The following AAAS variants were observed in gnomAD, a reference collection of about 807,000 sequenced individuals.
AAAS encodes the protein aladin WD repeat nucleoporin.
AAAS carries 60 observed loss-of-function variants against 75.6 expected under a neutral mutation model. That is an observed-to-expected ratio of 0.79 (90% CI 0.64 to 0.98). The LOEUF (loss-of-function observed/expected upper bound fraction) is 0.98, where lower values mean the gene tolerates loss of function less well. AAAS is among the 50% of genes least tolerant of loss of function. The probability of loss-of-function intolerance (pLI) is 0.00; values close to 1 mark genes in which losing one functional copy is unlikely to be tolerated. For synonymous variants in AAAS, 271 were observed against 265.0 expected (o/e 1.02, Z -0.22); for missense variants, 658 against 686.9 (o/e 0.96, Z 0.47).
In AAAS at chr12:53,307,536, G is replaced by T; in HGVS notation, c.1594C>A (p.Pro532Thr). 1 of 1,614,174 alleles carries T rather than the reference G, an allele frequency of 6.2e-7. No homozygotes were observed. Among genetic ancestry groups the T allele is most frequent in the Non-Finnish European group, 8.5e-7 (1 of 1,180,008 alleles). Residue 532 changes from proline to threonine, a missense_variant, in exon 16 of 16, where the codon CCA becomes ACA. Transcript: ENST00000209873. ...TGGGGCAGAACAGGTGGTGGCCCTG[G>T]GAGAGGGTCCCAAGGGGCAGAGGTT... ...SPTSAPWDPL[P>T]GPPPVLPHSP...
In AAAS at chr12:53,309,639, GC is replaced by G. The variant is rs1184877278; in HGVS notation, c.771del (p.Arg258GlyfsTer33). 2 of 1,613,448 alleles carry G rather than the reference GC, an allele frequency of 1.2e-6. No individual in the cohort carries two copies. The highest frequency in any genetic ancestry group is 1.7e-6 in the Non-Finnish European group (2 of 1,179,858). ...TCCACGGGTGAAGCTGAGAGCAGCC[GC>G]CCCCCACTGGGGGCCCAGGCCAAGC... ...VTSLAWAPSG[G>X]RLLSASPVDA... is the part of the protein sequence containing the mutation. On this transcript the variant is annotated frameshift_variant, in exon 8 of 16. Transcript: ENST00000209873. LOFTEE classifies it high-confidence loss of function.
At chr12:53,320,178 G>A (rs573806312) in intron 2 of AAAS, among the ~76,000 whole-genome samples, 28 of 152,258 alleles carry the variant, frequency 1.8e-4, no homozygotes, top group African/African-American at 6.0e-4. Flanking sequence ...GTGCAAAGTG[G>A]ATGACCTATG....
At chr12:53,321,061 C>G in intron 1 of AAAS, 1 of 567,594 alleles carries the variant, frequency 1.8e-6, no homozygotes, top group Non-Finnish European at 3.1e-6. Flanking sequence ...AGATACTGTC[C>G]CCAACTTTTA....
chr12:53,320,470 A>C, intron 2 of AAAS, 95 bp downstream of exon 2: 2 of 1,561,824 alleles, frequency 1.3e-6, no homozygotes, highest in Non-Finnish European at 1.8e-6. Flanking sequence ...AGCCTGAATA[A>C]AAGTCTTTTG....
At chr12:53,310,243 C>A (rs1944365755) in intron 7 of AAAS, among the ~76,000 whole-genome samples, 1 of 152,236 alleles carries the variant, frequency 6.6e-6, no homozygotes, top group Non-Finnish European at 1.5e-5. Context: ...AACTCTGCAG[C>A]TCCCGCGTTT....
chr12:53,309,098 C>T, intron 9 of AAAS, 59 bp downstream of exon 9: 1 of 1,614,206 alleles, frequency 6.2e-7, no homozygotes, highest in Non-Finnish European at 8.5e-7. Flanking sequence ...GACAGAGCTT[C>T]CAGGAGCTAA....
Position 53,321,451 on chromosome 12 carries a change from C to A in AAAS, c.15G>T (p.Gly5=). The part of the protein sequence containing the change: MCSL[G]LFPPPPPRGQ... ...CCCGAGGCGGTGGAGGAGGGAACAA[C>A]CCCAGAGAGCACATCTTGCCGGTTC... Residue 5 remains glycine (G), a synonymous_variant, in exon 1 of 16, where the codon GGG becomes GGT. Transcript: ENST00000209873. 6.2e-7 allele frequency: 1 copy of A among 1,614,174 alleles called. No individual in the cohort carries two copies.
At chr12:53,315,906 T>C (rs976291713) in intron 2 of AAAS, 124 bp from the exon 3 acceptor site, 17 of 1,035,886 alleles carry the variant, frequency 1.6e-5, no homozygotes, top group Non-Finnish European at 2.1e-5. Flanking sequence ...GTGCCAACTA[T>C]GTACCAGGCA....
Position 53,308,840 on chromosome 12 carries a change from G to A in AAAS, c.997-25C>T, listed in dbSNP as rs113635763. 6 of 1,613,838 alleles carry A rather than the reference G, an allele frequency of 3.7e-6. No homozygotes were observed. The South Asian group carries it at 5.5e-5, about 15-fold the overall frequency. Reference sequence around the variant, plus strand: ...TCTGGGGTCAGGGAGCAAAAGGCAGGAGAAGGTATGTCTATAGTAGAATGC... The same window carrying A: ...TCTGGGGTCAGGGAGCAAAAGGCAGAAGAAGGTATGTCTATAGTAGAATGC... On this transcript the variant is annotated intron_variant, in intron 10 of 15. Transcript: ENST00000209873.
In AAAS at chr12:53,307,467, C is replaced by G. The variant is rs1298058846; in HGVS notation, c.*22G>C. 6.3e-7 allele frequency: 1 copy of G among 1,597,226 alleles called. No individual in the cohort carries two copies. Among genetic ancestry groups the G allele is most frequent in the Non-Finnish European group, 8.6e-7 (1 of 1,168,986 alleles). On this transcript the variant is annotated 3_prime_UTR_variant, in exon 16 of 16. Transcript: ENST00000209873. ...GACAGACTGGTAACTGAGTGGAAAA[C>G]AAAAGGAAAACTTATTTATTCTTAG...
Position 53,321,452 on chromosome 12 carries a change from C to G in AAAS, c.14G>C (p.Gly5Ala), listed in dbSNP as rs1944556284. 1 of 1,614,190 alleles carries G rather than the reference C, an allele frequency of 6.2e-7. No individual in the cohort carries two copies. The highest frequency in any genetic ancestry group is 8.5e-7 in the Non-Finnish European group (1 of 1,180,030). Residue 5 changes from glycine (G) to alanine (A), a missense_variant, in exon 1 of 16, where the codon GGG becomes GCG. By Grantham distance (60) the Gly-to-Ala change is moderately conservative. Transcript: ENST00000209873. MCSL[G>A]LFPPPPPRGQ... Reference sequence around the variant, plus strand: ...CCGAGGCGGTGGAGGAGGGAACAACCCCAGAGAGCACATCTTGCCGGTTCG... The same window carrying G: ...CCGAGGCGGTGGAGGAGGGAACAACGCCAGAGAGCACATCTTGCCGGTTCG...
chr12:53,307,853 G>A lies in AAAS; in HGVS notation c.1408C>T (p.Leu470Phe). 6.2e-7 allele frequency: 1 copy of A among 1,614,236 alleles called. No individual in the cohort carries two copies. Among genetic ancestry groups the A allele is most frequent in the South Asian group, 1.1e-5 (1 of 91,080 alleles). The stretch of plus-strand genomic sequence containing the variant: ...CAGCCTGGCGCACTCACCACACTGA[G>A]CAGGGCCCCTTTGTTGAAGGAAGGA... ...FHPSFNKGAL[L>F]SVGWSTGRIA... The change falls in exon 15 of 16, where the codon CTC (leucine) becomes TTC (phenylalanine). Residue 470 changes from leucine to phenylalanine, a missense_variant. By Grantham distance (22) the Leu-to-Phe change is conservative. Coordinates refer to ENST00000209873, the MANE Select transcript of AAAS (RefSeq NM_015665.6).
intron 7 of AAAS, among the ~76,000 whole-genome samples, chr12:53,310,558 C>CA (rs939524283): frequency 0.046 from 3,541 of 76,168 alleles, 67 homozygotes; most frequent in African/African-American, 0.082. Context: ...GACTCCGTCT[C>CA]AAAAAAAAAA....
Position 53,320,479 on chromosome 12 carries a change from T to C in AAAS, c.251+86A>G, listed in dbSNP as rs142932140. ...GGAGACAGCCTGAATAAAAGTCTTT[T>C]GAAGAACACCCCAAGGTAAAGGGGT... On this transcript the variant is annotated intron_variant, in intron 2 of 15. Coordinates refer to ENST00000209873, the MANE Select transcript of AAAS (RefSeq NM_015665.6). 8.3e-4 allele frequency: 1,326 copies of C among 1,589,734 alleles called. 1 individual carries two copies. The highest frequency in any genetic ancestry group is 1.1e-3 in the Non-Finnish European group (1,246 of 1,160,336).
chr12:53,310,350 G>A (rs1179329037), intron 7 of AAAS, among the ~76,000 whole-genome samples: 2 of 152,322 alleles, frequency 1.3e-5, no homozygotes, highest in Non-Finnish European at 2.9e-5. Flanking sequence ...ACGAGGTCAA[G>A]AGATCGAGAC....
chr12:53,312,048 C>A (rs1427442686), intron 7 of AAAS, among the ~76,000 whole-genome samples: 1 of 152,210 alleles, frequency 6.6e-6, no homozygotes, highest in African/African-American at 2.4e-5. Context: ...GGAGGACAGG[C>A]CGGGCATGGT....
intron 2 of AAAS, 50 bp from the exon 3 acceptor site, chr12:53,315,832 C>T: frequency 6.3e-7 from 1 of 1,591,260 alleles, no homozygotes; most frequent in Non-Finnish European, 8.6e-7. Context: ...CCCTCTGTCC[C>T]TCTCTACCAG....
chr12:53,311,141 T>A (rs1403407543), intron 7 of AAAS, among the ~76,000 whole-genome samples: 1 of 151,996 alleles, frequency 6.6e-6, no homozygotes, highest in Non-Finnish European at 1.5e-5. Flanking sequence ...ATAGACAGCA[T>A]CTATGTTGAC....
At chr12:53,319,400 G>C (rs1944516783) in intron 2 of AAAS, among the ~76,000 whole-genome samples, 1 of 152,134 alleles carries the variant, frequency 6.6e-6, no homozygotes, top group Admixed American at 6.6e-5. Context: ...GTTTCGCCAT[G>C]TTCCCCAGGC....
Sources: gnomAD v4.1 joint callset for allele counts (sites outside exome capture counted in the v4.1 genomes callset) on GRCh38, gnomAD v4.1.1 for gene constraint, MANE v1.5 for transcripts, NCBI Gene and HGNC (gene_info 2026-07-23, HGNC 2026-07-21) for gene names.